Variants in WDPCP observed in about 807,000 individuals in gnomAD.
WDPCP encodes WD repeat-containing and planar cell polarity effector protein fritz homolog.
Under a neutral mutation model 93.1 loss-of-function variants are expected in WDPCP, and 71 were observed. That is an observed-to-expected ratio of 0.76 (90% CI 0.63 to 0.93). The LOEUF is 0.93. WDPCP is among the 40% of genes least tolerant of loss of function. The probability of loss-of-function intolerance (pLI) is 0.00; values close to 1 mark genes in which losing one functional copy is unlikely to be tolerated. For synonymous variants in WDPCP, 315 were observed against 315.0 expected, an observed-to-expected ratio of 1.00 and a Z score of 0.00; for missense variants, 844 against 887.4, an observed-to-expected ratio of 0.95 and a Z score of 0.62.
intron 14 of WDPCP, among the ~76,000 whole-genome samples, chr2:63,230,581 C>A (rs1259647090): frequency 6.6e-6 from 1 of 152,160 alleles, no homozygotes; most frequent in Non-Finnish European, 1.5e-5. Flanking sequence ...TATTTCTCCA[C>A]ATCCTCTCCA....
intron 15 of WDPCP, among the ~76,000 whole-genome samples, chr2:63,171,734 A>T (rs1673401871): frequency 6.6e-6 from 1 of 152,232 alleles, no homozygotes; most frequent in Non-Finnish European, 1.5e-5. Flanking sequence ...AGAAACTTAA[A>T]TGTGAATGTT....
At chr2:63,308,076 G>C (rs538071325) in intron 13 of WDPCP, among the ~76,000 whole-genome samples, 2 of 152,264 alleles carry the variant, frequency 1.3e-5, no homozygotes, top group South Asian at 4.1e-4. Flanking sequence ...CCATCAAAAA[G>C]TGGGCAAAGA....
chr2:63,454,123 A>T (rs536047827), intron 6 of WDPCP, among the ~76,000 whole-genome samples: 4 of 146,466 alleles, frequency 2.7e-5, no homozygotes, highest in African/African-American at 8.2e-5. Flanking sequence ...TATATATATT[A>T]AAAAAAAGAA....
intron 1 of WDPCP, among the ~76,000 whole-genome samples, chr2:63,820,990 C>T (rs1403660261): frequency 1.3e-5 from 2 of 152,096 alleles, no homozygotes; most frequent in Non-Finnish European, 2.9e-5. Flanking sequence ...TTTTGAAAAT[C>T]TACATAGTCA....
At chr2:63,205,063 A>T (rs958326596) in intron 14 of WDPCP, among the ~76,000 whole-genome samples, 1 of 152,132 alleles carries the variant, frequency 6.6e-6, no homozygotes, top group Non-Finnish European at 1.5e-5. Flanking sequence ...CTACATATGG[A>T]TATCCAGTTT....
chr2:63,718,763 G>A lies in WDPCP; in HGVS notation n.309-67925C>T, dbSNP rs552329112. 4.5e-4 allele frequency among the ~76,000 whole-genome samples: 68 copies of A among 152,126 alleles called. 1 individual carries two copies. Among genetic ancestry groups the A allele is most frequent in the African/African-American group, 1.5e-3 (64 of 41,502 alleles). The stretch of plus-strand genomic sequence containing the variant: ...GAAGTCTGTAAACTTTCTAAAAGAT[G>A]CTTCAAAAATGTACTTCAAAAAAAT... On this transcript the variant is annotated intron_variant and non_coding_transcript_variant, in intron 2 of 4. Coordinates refer to the WDPCP transcript ENST00000467687.
intron 9 of WDPCP, among the ~76,000 whole-genome samples, chr2:63,426,089 C>G (rs1257071084): frequency 6.6e-6 from 1 of 152,200 alleles, no homozygotes; most frequent in African/African-American, 2.4e-5. Flanking sequence ...CCTGTAATCC[C>G]AGCACTCTTG....
At chr2:63,194,547 T>C (rs1411479605) in intron 14 of WDPCP, among the ~76,000 whole-genome samples, 1 of 152,156 alleles carries the variant, frequency 6.6e-6, no homozygotes, top group Non-Finnish European at 1.5e-5. Flanking sequence ...TAATGTGTTA[T>C]ATTTATGTAC....
rs200655874 is a variant in WDPCP at position 63,675,519 on chromosome 2, C to T, written n.309-24681G>A. Among the ~76,000 whole-genome samples, 11 of 152,084 alleles carry T rather than the reference C, an allele frequency of 7.2e-5. No individual in the cohort carries two copies. In the East Asian group the frequency reaches 1.7e-3, roughly 24 times the overall value. ...CAAGCTCTCTCATTTCCTTTCTTCGCGGGGTAGGGGGGTGGCAAGGGCAGA... is the reference window on the plus strand; with the variant it reads ...CAAGCTCTCTCATTTCCTTTCTTCGTGGGGTAGGGGGGTGGCAAGGGCAGA... On this transcript the variant is annotated intron_variant and non_coding_transcript_variant, in intron 2 of 4. Coordinates refer to the WDPCP transcript ENST00000467687.
rs372909844 is a variant in WDPCP, at chr2:63,820,944, G to A, written n.222+6678C>T. Among the ~76,000 whole-genome samples the A allele has an allele frequency of 6.6e-5, 10 of 151,982 alleles. No individual in the cohort carries two copies. In the East Asian group the frequency reaches 1.2e-3, roughly 18 times the overall value. Reference sequence around the variant, plus strand: ...TCTAAAACTTTAGCAACCATTTTGTGGTTTGTTTTTTAAAGCCAAATTATG... The same window carrying A: ...TCTAAAACTTTAGCAACCATTTTGTAGTTTGTTTTTTAAAGCCAAATTATG... On this transcript the variant is annotated intron_variant and non_coding_transcript_variant, in intron 1 of 4. Coordinates refer to the WDPCP transcript ENST00000467687.
intron 2 of WDPCP, among the ~76,000 whole-genome samples, chr2:63,772,305 T>C (rs1382278545): frequency 1.3e-5 from 2 of 152,146 alleles, no homozygotes; most frequent in African/African-American, 4.8e-5. Flanking sequence ...CATTTTTTCA[T>C]GTTTGTTGGT....
rs370547796 is a variant in WDPCP at position 63,437,857 on chromosome 2, C to T, written c.500-303G>A. 4.8e-5 allele frequency: 77 copies of T among 1,596,744 alleles called. 1 individual carries two copies. Among genetic ancestry groups the T allele is most frequent in the African/African-American group, 1.2e-4 (9 of 74,352 alleles). On this transcript the variant is annotated intron_variant, in intron 7 of 17. Transcript: ENST00000272321. The stretch of plus-strand genomic sequence containing the variant: ...TAAAGGTATTTTTAAAAAACTATTT[C>T]GCACCTGAATGTAGAGACGAAAACA...
At chr2:63,288,886 G>T (rs1454771540) in intron 13 of WDPCP, among the ~76,000 whole-genome samples, 1 of 151,862 alleles carries the variant, frequency 6.6e-6, no homozygotes, top group African/African-American at 2.4e-5. Flanking sequence ...CTGGTTATTA[G>T]AATGTCTCTC....
chr2:63,440,346 A>G (rs544612643), intron 6 of WDPCP: 1 of 152,712 alleles, frequency 6.5e-6, no homozygotes, highest in East Asian at 1.9e-4. Flanking sequence ...TGGAAGTTAA[A>G]CACTATTTAC....
intron 2 of WDPCP, among the ~76,000 whole-genome samples, chr2:63,667,583 TTCTC>T (rs1710298267): frequency 6.6e-6 from 1 of 152,204 alleles, no homozygotes; most frequent in African/African-American, 2.4e-5. Flanking sequence ...TTTCTGGAGT[TTCTC>T]TCCCTGTTAT....
intron 2 of WDPCP, among the ~76,000 whole-genome samples, chr2:63,738,080 T>C (rs887761130): frequency 2.6e-5 from 4 of 152,150 alleles, no homozygotes; most frequent in African/African-American, 9.7e-5. Context: ...GTTCCTAATG[T>C]AGCTGGTCTG....
At chr2:63,558,424 AG>A (rs1312852069) in intron 1 of WDPCP, among the ~76,000 whole-genome samples, 1 of 151,734 alleles carries the variant, frequency 6.6e-6, no homozygotes, top group East Asian at 1.9e-4. Context: ...GCTACTTGGG[AG>A]GCTTGAGGCA....
intron 2 of WDPCP, among the ~76,000 whole-genome samples, chr2:63,739,157 C>T (rs1283048856): frequency 6.6e-6 from 1 of 152,074 alleles, no homozygotes; most frequent in Non-Finnish European, 1.5e-5. Context: ...TACCCAATAG[C>T]TATATTTTCT....
intron 13 of WDPCP, among the ~76,000 whole-genome samples, chr2:63,285,016 T>A (rs775560467): frequency 1.3e-5 from 2 of 151,806 alleles, no homozygotes; most frequent in Non-Finnish European, 2.9e-5. Context: ...AACAAATTAA[T>A]TCAAATGAAG....
Sources: gnomAD v4.1 joint callset for allele counts (sites outside exome capture counted in the v4.1 genomes callset) on GRCh38, gnomAD v4.1.1 for gene constraint, MANE v1.5 for transcripts, NCBI Gene and HGNC (gene_info 2026-07-23, HGNC 2026-07-21) for gene names.